Variants in FAM227B observed in about 807,000 individuals in gnomAD.
FAM227B encodes the protein family with sequence similarity 227 member B.
Under a neutral mutation model 73.8 loss-of-function variants are expected in FAM227B, and 88 were observed. The observed-to-expected ratio is 1.19, with a 90% CI of 1.00 to 1.42. The LOEUF is 1.42. FAM227B is among the 40% of genes most tolerant of loss of function. FAM227B has a pLI of 0.00. For missense variants in FAM227B, 632 were observed against 590.9 expected (o/e 1.07, Z -0.72); for synonymous variants, 210 against 190.5 (o/e 1.10, Z -0.84).
intron 11 of FAM227B, among the ~76,000 whole-genome samples, chr15:49,493,960 A>G (rs1324756571): frequency 1.3e-5 from 2 of 151,742 alleles, no homozygotes; most frequent in African/African-American, 4.8e-5. Context: ...AATAAAATCC[A>G]TGCTTCAAAA....
At chr15:49,369,947 T>A (rs2045698598) in intron 12 of FAM227B, among the ~76,000 whole-genome samples, 1 of 152,172 alleles carries the variant, frequency 6.6e-6, no homozygotes, top group African/African-American at 2.4e-5. Flanking sequence ...TAGGTTTAGA[T>A]GAGGTTGTCA....
At chr15:49,561,258 G>A (rs962380183) in intron 9 of FAM227B, among the ~76,000 whole-genome samples, 1 of 152,040 alleles carries the variant, frequency 6.6e-6, no homozygotes. Flanking sequence ...ACTGCTAACA[G>A]TAAAAAAGGA....
intron 11 of FAM227B, among the ~76,000 whole-genome samples, chr15:49,494,986 C>T (rs2057468453): frequency 3.9e-5 from 6 of 152,158 alleles, no homozygotes; most frequent in Admixed American, 3.9e-4. Flanking sequence ...AGAAATATAT[C>T]ACATTGTTTT....
At chr15:49,530,625 A>G (rs1214117559) in intron 10 of FAM227B, among the ~76,000 whole-genome samples, 1 of 151,856 alleles carries the variant, frequency 6.6e-6, no homozygotes, top group Non-Finnish European at 1.5e-5. Flanking sequence ...AGGCTAGAAA[A>G]AATTGAATTG....
At chr15:49,545,174 C>T (rs1225411131) in intron 9 of FAM227B, among the ~76,000 whole-genome samples, 1 of 152,112 alleles carries the variant, frequency 6.6e-6, no homozygotes, top group Non-Finnish European at 1.5e-5. Flanking sequence ...TTCAATCTCA[C>T]TACTTGTTAT....
At chr15:49,420,931 C>A (rs1331984793) in intron 11 of FAM227B, among the ~76,000 whole-genome samples, 1 of 152,160 alleles carries the variant, frequency 6.6e-6, no homozygotes, top group African/African-American at 2.4e-5. Context: ...TGGTCTCGAT[C>A]TCCTGACTTT....
intron 9 of FAM227B, 24 bp downstream of exon 9, chr15:49,568,221 A>G (rs1262191471): frequency 5.2e-6 from 8 of 1,534,558 alleles, no homozygotes; most frequent in South Asian, 1.2e-5. Context: ...AATAATTAGC[A>G]TAACTGTTAA....
intron 9 of FAM227B, among the ~76,000 whole-genome samples, chr15:49,552,891 T>G (rs765662699): frequency 1.3e-5 from 2 of 152,182 alleles, no homozygotes; most frequent in African/African-American, 4.8e-5. Context: ...CTGAATTTAT[T>G]TGAGTTTCCT....
chr15:49,538,858 T>C (rs2070648221), intron 10 of FAM227B, among the ~76,000 whole-genome samples: 1 of 152,184 alleles, frequency 6.6e-6, no homozygotes. Flanking sequence ...TTCTATTGTT[T>C]AGTTGTCTAT....
chr15:49,496,019 T>G (rs1001773986), intron 11 of FAM227B, among the ~76,000 whole-genome samples: 2 of 152,022 alleles, frequency 1.3e-5, no homozygotes, highest in Non-Finnish European at 2.9e-5. Flanking sequence ...CGAGACTCTG[T>G]CTTGAAAAAT....
chr15:49,400,219 G>C (rs1203020554), intron 11 of FAM227B, among the ~76,000 whole-genome samples: 4 of 47,908 alleles, frequency 8.3e-5, no homozygotes, highest in African/African-American at 3.6e-4. Flanking sequence ...GACAAACAGA[G>C]AGCCAAATCA....
At chr15:49,328,753 C>A in intron 15 of FAM227B, 78 bp from the exon 16 acceptor site, 1 of 1,487,840 alleles carries the variant, frequency 6.7e-7, no homozygotes, top group Non-Finnish European at 9.0e-7. Context: ...TGAGATTTCT[C>A]CAGTTATCAA....
chr15:49,380,098 A>G lies in FAM227B; in HGVS notation c.1013-8699T>C, dbSNP rs2046424089. Among the ~76,000 whole-genome samples, 3 of 152,240 alleles carry G rather than the reference A, an allele frequency of 2.0e-5. No homozygotes were observed. The South Asian group carries it at 6.2e-4, about 32-fold the overall frequency. On this transcript the variant is annotated intron_variant, in intron 11 of 15. Coordinates refer to ENST00000299338, the MANE Select transcript of FAM227B (RefSeq NM_152647.3). ...GTATTACAGCTGAGCTGGCACTCAA[A>G]CCACAGGACCTCTCTTTCTTCCCCT... is the stretch of plus-strand genomic sequence containing the variant.
intron 15 of FAM227B, chr15:49,330,956 G>A (rs1229138837): frequency 6.6e-6 from 1 of 152,140 alleles, no homozygotes; most frequent in South Asian, 2.1e-4. Context: ...GTGAGACCCT[G>A]TTTCAACAAC....
chr15:49,357,379 G>A (rs1452980522), intron 13 of FAM227B, among the ~76,000 whole-genome samples: 34 of 142,364 alleles, frequency 2.4e-4, no homozygotes, highest in East Asian at 1.6e-3. Flanking sequence ...TCAAATAGAC[G>A]CAATAAAAAA....
Position 49,499,646 on chromosome 15 carries a change from T to C in FAM227B, c.1012+8565A>G, listed in dbSNP as rs893421819. Among the ~76,000 whole-genome samples, 8 of 152,332 alleles carry C rather than the reference T, an allele frequency of 5.3e-5. No individual in the cohort carries two copies. In the East Asian group the frequency reaches 1.2e-3, roughly 22 times the overall value. On this transcript the variant is annotated intron_variant, in intron 11 of 15. Transcript: ENST00000299338. ...GGACTTATAGTACCTAACTTCAAGA[T>C]ACATTATAAAACTACAGTTTTAAAG...
chr15:49,359,902 C>T (rs569631745), intron 13 of FAM227B, among the ~76,000 whole-genome samples: 1,588 of 147,794 alleles, frequency 0.011, 19 homozygotes, highest in Non-Finnish European at 0.017. Context: ...TGGAATACTA[C>T]GCAGCCATAA....
At chr15:49,538,989 T>C (rs182885246) in intron 10 of FAM227B, among the ~76,000 whole-genome samples, 222 of 152,306 alleles carry the variant, frequency 1.5e-3, no homozygotes, top group African/African-American at 5.1e-3. Flanking sequence ...CTGTTGGCGG[T>C]ATCATGTTTG....
At chr15:49,553,111 A>G (rs566399004) in intron 9 of FAM227B, among the ~76,000 whole-genome samples, 2 of 152,290 alleles carry the variant, frequency 1.3e-5, no homozygotes, top group South Asian at 2.1e-4. Flanking sequence ...CTACTTGGGA[A>G]GGTTTTCCAG....
Sources: gnomAD v4.1 joint callset for allele counts (sites outside exome capture counted in the v4.1 genomes callset) on GRCh38, gnomAD v4.1.1 for gene constraint, MANE v1.5 for transcripts, NCBI Gene and HGNC (gene_info 2026-07-23, HGNC 2026-07-21) for gene names.